CDH19: variants seen among roughly 807,000 people sequenced by gnomAD.
The protein encoded by CDH19 is cadherin-19.
In CDH19, 67 loss-of-function variants were observed where a neutral mutation model predicts 64.2. The ratio of observed to expected loss-of-function variants is 1.04; its 90% CI spans 0.86 to 1.28. CDH19 has a LOEUF of 1.28. CDH19 is among the 50% of genes most tolerant of loss of function. The pLI, the probability that CDH19 is intolerant of heterozygous loss-of-function variation, is 0.00. For missense variants in CDH19, 1,030 were observed against 929.0 expected (o/e 1.11, Z -1.41); for synonymous variants, 346 against 319.3 (o/e 1.08, Z -0.89).
chr18:66,590,920 T>G (rs1213337654), intron 1 of CDH19, among the ~76,000 whole-genome samples: 2 of 151,964 alleles, frequency 1.3e-5, no homozygotes, highest in Admixed American at 1.3e-4. Context: ...CTAAGCCTGT[T>G]TGGGGTCTAT....
rs199664399 is a variant in CDH19 at position 66,572,228 on chromosome 18, C to T, written c.-24G>A. 1 of 1,584,098 alleles carries T rather than the reference C, an allele frequency of 6.3e-7. No individual in the cohort carries two copies. Among genetic ancestry groups the T allele is most frequent in the East Asian group, 2.2e-5 (1 of 44,544 alleles). Reference sequence around the variant, plus strand: ...ATTGCGTTGACTCTTTTGATTCCAACTATTACTCTTCAGAGGAAACAGGAC... The same window carrying T: ...ATTGCGTTGACTCTTTTGATTCCAATTATTACTCTTCAGAGGAAACAGGAC... On this transcript the variant is annotated 5_prime_UTR_variant, in exon 2 of 12. Coordinates refer to ENST00000262150, the MANE Select transcript of CDH19 (RefSeq NM_021153.4).
intron 7 of CDH19, among the ~76,000 whole-genome samples, chr18:66,537,380 T>C (rs768350355): frequency 3.3e-5 from 5 of 152,010 alleles, no homozygotes; most frequent in African/African-American, 4.8e-5. Flanking sequence ...GTTACATATT[T>C]TTGGCAGGAA....
At chr18:66,563,971 T>G (rs2144555538) in intron 3 of CDH19, among the ~76,000 whole-genome samples, 1 of 152,010 alleles carries the variant, frequency 6.6e-6, no homozygotes, top group East Asian at 1.9e-4. Flanking sequence ...TTTAGAAGAA[T>G]AAGAAGAGAA....
chr18:66,566,202 T>C (rs867677369), intron 3 of CDH19, among the ~76,000 whole-genome samples: 5 of 151,978 alleles, frequency 3.3e-5, no homozygotes, highest in Admixed American at 2.0e-4. Flanking sequence ...GAAACGTTTA[T>C]TAACTGATTG....
chr18:66,509,199 C>A lies in CDH19; in HGVS notation c.1624G>T (p.Glu542Ter). The change falls in exon 11 of 12, where the codon GAA becomes TAA. Residue 542 changes from glutamate (E) to a stop codon, truncating the protein, a stop_gained. Transcript: ENST00000262150. LOFTEE classifies it high-confidence loss of function. ...LTNRTGFNLQEEPVFYISILI... is the reference protein window; with the variant it reads ...LTNRTGFNLQ ...ATGGAGATGTAGAAGACAGGTTCTT[C>A]TTGAAGGTTAAAACCAGTTCTATTA... The A allele has an allele frequency of 6.2e-7, 1 of 1,612,512 alleles. No homozygotes were observed. Among genetic ancestry groups the A allele is most frequent in the African/African-American group, 1.3e-5 (1 of 74,924 alleles).
At chr18:66,513,815 A>G (rs760866553) in intron 9 of CDH19, among the ~76,000 whole-genome samples, 33 of 151,408 alleles carry the variant, frequency 2.2e-4, no homozygotes, top group Non-Finnish European at 3.0e-4. Context: ...AGAAAATGAA[A>G]ATAACTCCAA....
chr18:66,548,237 G>T (rs1322360141), intron 5 of CDH19, among the ~76,000 whole-genome samples: 3 of 135,140 alleles, frequency 2.2e-5, no homozygotes, highest in Admixed American at 1.6e-4. Flanking sequence ...CCCCTCCTCT[G>T]AACCCCTTTA....
chr18:66,529,405 T>A (rs894707963), intron 9 of CDH19, among the ~76,000 whole-genome samples: 6 of 151,222 alleles, frequency 4.0e-5, no homozygotes, highest in Non-Finnish European at 5.9e-5. Context: ...ATAAATGAAC[T>A]ACTGAATAAT....
At position 66,603,752 on chromosome 18, in the gene CDH19, T is replaced by C. The variant is rs530363743; in HGVS notation, c.-113+202A>G. ...AGAGATGGAGAACTGTTCTCACAAA[T>C]ACGTGTTTTGAGAAAGTTCAGTACA... On this transcript the variant is annotated intron_variant, in intron 1 of 11. Coordinates refer to ENST00000262150, the MANE Select transcript of CDH19 (RefSeq NM_021153.4). Among the ~76,000 whole-genome samples, 16 of 152,228 alleles carry C rather than the reference T, an allele frequency of 1.1e-4. 1 individual carries two copies. The South Asian group carries it at 3.1e-3, about 30-fold the overall frequency.
intron 1 of CDH19, among the ~76,000 whole-genome samples, chr18:66,593,516 T>C (rs1428332193): frequency 6.6e-6 from 1 of 151,970 alleles, no homozygotes; most frequent in African/African-American, 2.4e-5. Context: ...ACTTGCATAG[T>C]AGAAAAACTT....
chr18:66,585,817 T>C (rs543608153), intron 1 of CDH19, among the ~76,000 whole-genome samples: 245 of 152,226 alleles, frequency 1.6e-3, no homozygotes, highest in African/African-American at 5.6e-3. Context: ...TTATTTTTTT[T>C]CTAAGCATGG....
chr18:66,566,166 T>G (rs1987901621), intron 3 of CDH19, among the ~76,000 whole-genome samples: 1 of 151,982 alleles, frequency 6.6e-6, no homozygotes, highest in Non-Finnish European at 1.5e-5. Context: ...ATTACTGCCT[T>G]CGCATTATGC....
In CDH19 at chr18:66,535,440, C is replaced by T. The variant is rs78611045; in HGVS notation, c.1215-333G>A. Reference sequence around the variant, plus strand: ...TTTCCTATGTCACAGGTGTTGCTTGCGAATCTGTTCATTTTACTACAACTA... The same window carrying T: ...TTTCCTATGTCACAGGTGTTGCTTGTGAATCTGTTCATTTTACTACAACTA... On this transcript the variant is annotated intron_variant, in intron 7 of 11. Transcript: ENST00000262150. Among the ~76,000 whole-genome samples, 709 of 151,130 alleles carry T rather than the reference C, an allele frequency of 4.7e-3. 17 individuals carry two copies. In the East Asian group the frequency reaches 0.064, roughly 14 times the overall value.
rs1039227828 is a variant in CDH19 at position 66,501,958 on chromosome 18, T to A, written c.*2854A>T. ...TTTTTACCATTAAAAATTTGAAGCT[T>A]ACATACAAAGCTGTGAGTCAACTAA... On this transcript the variant is annotated 3_prime_UTR_variant, in exon 12 of 12. Coordinates refer to ENST00000262150, the MANE Select transcript of CDH19 (RefSeq NM_021153.4). 1.3e-5 allele frequency: 2 copies of A among 152,104 alleles called. No homozygotes were observed. Among genetic ancestry groups the A allele is most frequent in the Non-Finnish European group, 2.9e-5 (2 of 68,006 alleles). 9.4% of individuals were successfully genotyped at this position (152,104 alleles called of 1,614,324 possible). A position where few individuals can be genotyped will look rare whatever the true frequency, so the allele number is the denominator to read the frequency against.
At chr18:66,515,323 C>T (rs898824754) in intron 9 of CDH19, among the ~76,000 whole-genome samples, 1 of 151,618 alleles carries the variant, frequency 6.6e-6, no homozygotes, top group Admixed American at 6.6e-5. Flanking sequence ...TTTTATATTA[C>T]TCTAATGAGT....
intron 3 of CDH19, among the ~76,000 whole-genome samples, chr18:66,568,064 T>C (rs954451080): frequency 1.9e-4 from 29 of 151,890 alleles, no homozygotes; most frequent in Admixed American, 1.8e-3. Flanking sequence ...TGCAGGATTA[T>C]CTTATTTGCT....
chr18:66,561,422 G>A (rs534369858), intron 3 of CDH19, among the ~76,000 whole-genome samples: 2 of 152,182 alleles, frequency 1.3e-5, no homozygotes, highest in East Asian at 3.9e-4. Context: ...AACGTAGCAC[G>A]AGTTGTGTAT....
chr18:66,532,497 C>A (rs1368585979), intron 8 of CDH19: 1 of 216,716 alleles, frequency 4.6e-6, no homozygotes, highest in Non-Finnish European at 9.5e-6. Flanking sequence ...CATACACACA[C>A]ACACACACAC....
intron 1 of CDH19, among the ~76,000 whole-genome samples, chr18:66,594,797 T>TGAG (rs1988838491): frequency 7.4e-6 from 1 of 134,584 alleles, no homozygotes; most frequent in Non-Finnish European, 1.5e-5. Context: ...TAGGTGGGAA[T>TGAG]TGAACAATGA....
Sources: gnomAD v4.1 joint callset for allele counts (sites outside exome capture counted in the v4.1 genomes callset) on GRCh38, gnomAD v4.1.1 for gene constraint, MANE v1.5 for transcripts, NCBI Gene and HGNC (gene_info 2026-07-23, HGNC 2026-07-21) for gene names.